AR: variants seen among roughly 807,000 people sequenced by gnomAD.
AR encodes the protein androgen receptor, also known as dihydrotestosterone receptor.
In AR, 8 loss-of-function variants were observed where a neutral mutation model predicts 53.9. The ratio of observed to expected loss-of-function variants is 0.15; its 90% CI spans 0.09 to 0.27. The LOEUF is 0.27. Ranked by LOEUF, AR falls within the 10% of genes least tolerant of loss-of-function variation. The pLI, the probability that AR is intolerant of heterozygous loss-of-function variation, is 1.00. For synonymous variants in AR, 359 were observed against 316.4 expected (o/e 1.13, Z -1.43); for missense variants, 639 against 742.5 (o/e 0.86, Z 1.62).
rs182063289 is a variant in AR at position 67,727,302 on chromosome X, T to C, written c.*3461T>C. ...AAAATCTGTAATACATATATTTTTATGTATGTTCACTGGCACTAAAAAATA... is the reference window on the plus strand; with the variant it reads ...AAAATCTGTAATACATATATTTTTACGTATGTTCACTGGCACTAAAAAATA... On this transcript the variant is annotated 3_prime_UTR_variant, in exon 8 of 8. Coordinates refer to ENST00000374690, the MANE Select transcript of AR (RefSeq NM_000044.6). 870 of 168,895 alleles carry C rather than the reference T, an allele frequency of 5.2e-3. 4 individuals carry two copies. Among genetic ancestry groups the C allele is most frequent in the Admixed American group, 7.4e-3 (94 of 12,620 alleles). 13.9% of individuals were successfully genotyped at this position (168,895 alleles called of 1,213,427 possible).
chrX:67,711,611 G>A lies in AR; in HGVS notation c.2095G>A (p.Ala699Thr), dbSNP rs2147525026. 1 of 1,211,000 alleles carries A rather than the reference G, an allele frequency of 8.3e-7. No homozygotes were observed. Among genetic ancestry groups the A allele is most frequent in the Non-Finnish European group, 1.1e-6 (1 of 894,970 alleles). The change falls in exon 4 of 8, where the codon GCA becomes ACA. Residue 699 changes from alanine (A) to threonine (T), a missense_variant. Around this residue, in one of 5 missense-constraint regions of AR, gnomAD observed 95 missense variants for 196.4 expected, o/e 0.48. Transcript: ENST00000374690. ...CGACAACAACCAGCCCGACTCCTTTGCAGCCTTGCTCTCTAGCCTCAATGA... is the reference window on the plus strand; with the variant it reads ...CGACAACAACCAGCCCGACTCCTTTACAGCCTTGCTCTCTAGCCTCAATGA... ...GHDNNQPDSFAALLSSLNELG... is the reference protein window; with the variant it reads ...GHDNNQPDSFTALLSSLNELG...
intron 2 of AR, among the ~76,000 whole-genome samples, chrX:67,676,981 A>G (rs934077622): frequency 9.0e-6 from 1 of 110,518 alleles, no homozygotes; most frequent in African/African-American, 3.3e-5. Context: ...TGCCAAGGGT[A>G]GTACTGGCAG....
At chrX:67,649,363 G>A (rs752212003) in intron 2 of AR, among the ~76,000 whole-genome samples, 1 of 112,186 alleles carries the variant, frequency 8.9e-6, no homozygotes, top group Non-Finnish European at 1.9e-5. Flanking sequence ...ATAGAAGAAT[G>A]ACTTATAATC....
intron 1 of AR, among the ~76,000 whole-genome samples, chrX:67,562,564 G>T (rs778845840): frequency 3.4e-4 from 38 of 111,691 alleles, no homozygotes; most frequent in African/African-American, 1.2e-3. Context: ...TTTGCAGTTT[G>T]CCCAGGCAGC....
chrX:67,707,466 G>C (rs1332422448), intron 3 of AR, among the ~76,000 whole-genome samples: 2 of 111,245 alleles, frequency 1.8e-5, no homozygotes, highest in East Asian at 5.6e-4. Context: ...TGCAATCCCT[G>C]CCTCTTTTGG....
intron 3 of AR, among the ~76,000 whole-genome samples, chrX:67,705,078 G>A (rs1198902446): frequency 1.8e-5 from 2 of 111,465 alleles, no homozygotes; most frequent in Non-Finnish European, 1.9e-5. Context: ...GTCAGGTAGC[G>A]TGATACCTCC....
At chrX:67,709,808 AT>A (rs1299240868) in intron 3 of AR, among the ~76,000 whole-genome samples, 1 of 112,123 alleles carries the variant, frequency 8.9e-6, no homozygotes, top group Non-Finnish European at 1.9e-5. Flanking sequence ...ATGAGCAACT[AT>A]GTGTATTCAA....
rs766189406 is a variant in AR, at chrX:67,582,813, C to T, written c.1616+36051C>T. Among the ~76,000 whole-genome samples the T allele has an allele frequency of 3.1e-4, 35 of 111,639 alleles. No individual in the cohort carries two copies. In the Admixed American group the frequency reaches 3.2e-3, roughly 10 times the overall value. ...ATCTGTGGCTGAACTTCTCCACTCC[C>T]GTATCCATCGCAATACTTCCCCAAG... On this transcript the variant is annotated intron_variant, in intron 1 of 7. Coordinates refer to ENST00000374690, the MANE Select transcript of AR (RefSeq NM_000044.6).
At chrX:67,630,521 G>A (rs1300384669) in intron 1 of AR, among the ~76,000 whole-genome samples, 10 of 109,870 alleles carry the variant, frequency 9.1e-5, no homozygotes, top group Non-Finnish European at 1.5e-4. Flanking sequence ...TTTATTTTGA[G>A]CCTATGTGTG....
At position 67,586,254 on chromosome X, in the gene AR, C is replaced by T. The variant is rs530361416; in HGVS notation, c.1616+39492C>T. 2.7e-5 allele frequency among the ~76,000 whole-genome samples: 3 copies of T among 111,643 alleles called. No individual in the cohort carries two copies. The South Asian group carries it at 1.1e-3, about 42-fold the overall frequency. Reference sequence around the variant, plus strand: ...ATTTCATTTCCTTCTACTTTTTTCTCCCTCCTTCCCCCAAACACACAAACA... The same window carrying T: ...ATTTCATTTCCTTCTACTTTTTTCTTCCTCCTTCCCCCAAACACACAAACA... On this transcript the variant is annotated intron_variant, in intron 1 of 7. Coordinates refer to ENST00000374690, the MANE Select transcript of AR (RefSeq NM_000044.6).
intron 2 of AR, among the ~76,000 whole-genome samples, chrX:67,647,508 T>A (rs1926113237): frequency 8.9e-6 from 1 of 111,965 alleles, no homozygotes; most frequent in South Asian, 3.7e-4. Context: ...CTTCACTCCC[T>A]GACTTTTCAA....
Position 67,544,076 on chromosome X carries a change from G to A in AR, c.-1071G>A, listed in dbSNP as rs1424734981. On this transcript the variant is annotated 5_prime_UTR_variant, in exon 1 of 8. Transcript: ENST00000374690. ...CTTGCTGGGAGAGCGGGACGGTCCG[G>A]AGCAAGCCCAGAGGCAGAGGAGGCG... is the stretch of plus-strand genomic sequence containing the variant. 5.9e-6 allele frequency: 1 copy of A among 170,318 alleles called. No homozygotes were observed. Among genetic ancestry groups the A allele is most frequent in the African/African-American group, 3.0e-5 (1 of 33,454 alleles). The allele number at this position is 170,318 out of a possible 1,213,427, so 14.0% of individuals were successfully genotyped here. A position where few individuals can be genotyped will look rare whatever the true frequency, so the allele number is the denominator to read the frequency against.
chrX:67,712,586 G>T (rs1011222497), intron 4 of AR, among the ~76,000 whole-genome samples: 3 of 112,373 alleles, frequency 2.7e-5, no homozygotes, highest in Non-Finnish European at 5.6e-5. Flanking sequence ...ACAGATACAA[G>T]TGGAGCTAGT....
chrX:67,669,778 C>A (rs1230301177), intron 2 of AR, among the ~76,000 whole-genome samples: 1 of 109,943 alleles, frequency 9.1e-6, no homozygotes, highest in African/African-American at 3.3e-5. Context: ...TGAATTGACC[C>A]CTTTATCATT....
At position 67,545,949 on chromosome X, in the gene AR, T is replaced by G. The variant is rs1481579925; in HGVS notation, c.803T>G (p.Met268Arg). Residue 268 changes from methionine (M) to arginine (R), a missense_variant, in exon 1 of 8, where the codon ATG becomes AGG. Coordinates refer to ENST00000374690, the MANE Select transcript of AR (RefSeq NM_000044.6). ...SPGEQLRGDC[M>R]YAPLLGVPPA... ...GGGGAACAGCTTCGGGGGGATTGCATGTACGCCCCACTTTTGGGAGTTCCA... is the reference window on the plus strand; with the variant it reads ...GGGGAACAGCTTCGGGGGGATTGCAGGTACGCCCCACTTTTGGGAGTTCCA... 1 of 1,212,274 alleles carries G rather than the reference T, an allele frequency of 8.2e-7. No homozygotes were observed. Among genetic ancestry groups the G allele is most frequent in the Admixed American group, 2.2e-5 (1 of 46,137 alleles).
intron 2 of AR, among the ~76,000 whole-genome samples, chrX:67,655,613 A>G (rs184752997): frequency 2.7e-5 from 3 of 111,297 alleles, no homozygotes; most frequent in African/African-American, 9.8e-5. Flanking sequence ...CAAGAATTCT[A>G]TTGATATAAA....
chrX:67,636,097 G>T (rs994703567), intron 1 of AR, among the ~76,000 whole-genome samples: 2 of 111,627 alleles, frequency 1.8e-5, no homozygotes, highest in Non-Finnish European at 3.8e-5. Flanking sequence ...TTAACATCAT[G>T]ATTGCATCAA....
intron 1 of AR, among the ~76,000 whole-genome samples, chrX:67,585,578 C>CAATA (rs1239288106): frequency 3.6e-5 from 4 of 112,351 alleles, no homozygotes; most frequent in Non-Finnish European, 5.6e-5. Context: ...GGTAACTTAG[C>CAATA]AATAAGCTTG....
At chrX:67,595,212 A>C (rs1334244887) in intron 1 of AR, among the ~76,000 whole-genome samples, 2 of 111,104 alleles carry the variant, frequency 1.8e-5, no homozygotes, top group Non-Finnish European at 3.8e-5. Context: ...AGTGCTATGG[A>C]GGGATTGTTG....
Sources: allele counts gnomAD v4.1 joint callset (sites outside exome capture counted in the v4.1 genomes callset), GRCh38; gene constraint gnomAD v4.1.1; regional missense constraint gnomAD v4.1.1; transcripts MANE v1.5; gene names NCBI Gene and HGNC (gene_info 2026-07-23, HGNC 2026-07-21).